MMP28: variants seen among roughly 807,000 people sequenced by gnomAD.
The protein encoded by MMP28 is matrix metalloproteinase-28.
Under a neutral mutation model 60.5 loss-of-function variants are expected in MMP28, and 55 were observed. The observed-to-expected ratio is 0.91, with a 90% CI of 0.73 to 1.14. The LOEUF is 1.14. Ranked by LOEUF, MMP28 falls within the 50% of genes most tolerant of loss-of-function variation. The pLI is 0.00. For missense variants in MMP28, 686 were observed against 738.3 expected (o/e 0.93, Z 0.82); for synonymous variants, 318 against 312.5 (o/e 1.02, Z -0.18).
intron 1 of MMP28, among the ~76,000 whole-genome samples, chr17:35,794,106 A>C (rs1036271892): frequency 6.6e-6 from 1 of 151,946 alleles, no homozygotes; most frequent in Admixed American, 6.6e-5. Context: ...TCAAAACAAA[A>C]ACAAAACAAA....
chr17:35,795,013 C>A (rs1186373366), intron 1 of MMP28, among the ~76,000 whole-genome samples: 7 of 152,242 alleles, frequency 4.6e-5, no homozygotes, highest in Non-Finnish European at 8.8e-5. Context: ...CCCCTCTGGG[C>A]TCTTGCCCGT....
chr17:35,774,805 A>G (rs1436205565), intron 3 of MMP28, among the ~76,000 whole-genome samples: 2 of 152,162 alleles, frequency 1.3e-5, no homozygotes, highest in Non-Finnish European at 2.9e-5. Context: ...GAGGGAGACA[A>G]AGAAGGCAGA....
chr17:35,787,721 T>G (rs2086692354), intron 1 of MMP28, among the ~76,000 whole-genome samples: 1 of 152,104 alleles, frequency 6.6e-6, no homozygotes, highest in African/African-American at 2.4e-5. Context: ...ACTCCTGACC[T>G]CAAGTGATCC....
intron 1 of MMP28, among the ~76,000 whole-genome samples, chr17:35,795,049 C>A (rs1260248256): frequency 1.3e-5 from 2 of 152,260 alleles, no homozygotes; most frequent in East Asian, 3.8e-4. Flanking sequence ...TCTGCACCCA[C>A]CCCAGCCCAT....
At chr17:35,762,696 C>G (rs2085844200), downstream of MMP28, among the ~76,000 whole-genome samples, 1 of 152,144 alleles carries the variant, frequency 6.6e-6, no homozygotes, top group Non-Finnish European at 1.5e-5. Flanking sequence ...CTTTTCTAAT[C>G]ATACAGAGGT....
chr17:35,775,475 G>C (rs1555607380), intron 3 of MMP28, among the ~76,000 whole-genome samples: 1 of 152,228 alleles, frequency 6.6e-6, no homozygotes, highest in African/African-American at 2.4e-5. Flanking sequence ...AAAAAGTATG[G>C]GAAGGGGGAG....
At chr17:35,787,738 C>G (rs1555610815) in intron 1 of MMP28, among the ~76,000 whole-genome samples, 1 of 152,140 alleles carries the variant, frequency 6.6e-6, no homozygotes, top group Non-Finnish European at 1.5e-5. Context: ...ATCCACCTAA[C>G]TTGGCCTCCC....
Position 35,770,209 on chromosome 17 carries a change from C to A in MMP28, c.708G>T (p.Val236=), listed in dbSNP as rs917516124. 1.2e-6 allele frequency: 2 copies of A among 1,602,908 alleles called. No individual in the cohort carries two copies. Among genetic ancestry groups the A allele is most frequent in the African/African-American group, 1.3e-5 (1 of 74,960 alleles). ...LSRRRGRNLF[V]VLAHEIGHTL... Reference sequence around the variant, plus strand: ...TGTGACCGATCTCGTGCGCCAGCACCACGAACAGGTTGCGCCCGCGGCGGC... The same window carrying A: ...TGTGACCGATCTCGTGCGCCAGCACAACGAACAGGTTGCGCCCGCGGCGGC... Residue 236 remains valine, a synonymous_variant, in exon 5 of 8, where the codon GTG becomes GTT. Coordinates refer to ENST00000605424, the MANE Select transcript of MMP28 (RefSeq NM_024302.5).
intron 4 of MMP28, 131 bp from the exon 5 acceptor site, chr17:35,770,443 A>T: frequency 8.2e-7 from 1 of 1,224,512 alleles, no homozygotes; most frequent in Non-Finnish European, 1.1e-6. Flanking sequence ...AAAATCTGGC[A>T]GAACCTGAAG....
At chr17:35,769,814 T>C (rs1036482885) in intron 5 of MMP28, among the ~76,000 whole-genome samples, 3 of 147,052 alleles carry the variant, frequency 2.0e-5, no homozygotes, top group Admixed American at 1.4e-4. Flanking sequence ...AGGGGCGGGG[T>C]TGGGGGTACT....
At position 35,795,306 on chromosome 17, in the gene MMP28, G is replaced by T. The variant is rs552611168; in HGVS notation, c.72C>A (p.Pro24=). The change falls in exon 1 of 8, where the codon CCC becomes CCA. Residue 24 remains proline, a synonymous_variant. Coordinates refer to ENST00000605424, the MANE Select transcript of MMP28 (RefSeq NM_024302.5). ...GCAGCTCCTGGCCTCCGCGCTCCGCGGGCTGGGCGTCCAGGTGGCCCCACA... is the reference window on the plus strand; with the variant it reads ...GCAGCTCCTGGCCTCCGCGCTCCGCTGGCTGGGCGTCCAGGTGGCCCCACA... ...LLLWGHLDAQ[P]AERGGQELRK... 4 of 1,464,930 alleles carry T rather than the reference G, an allele frequency of 2.7e-6. No individual in the cohort carries two copies. The highest frequency in any genetic ancestry group is 6.0e-5 in the East Asian group (2 of 33,536). 90.7% of individuals were successfully genotyped at this position (1,464,930 alleles called of 1,614,324 possible). A position where few individuals can be genotyped will look rare whatever the true frequency, so the allele number is the denominator to read the frequency against.
intron 1 of MMP28, among the ~76,000 whole-genome samples, chr17:35,786,303 C>T (rs2086646998): frequency 6.6e-6 from 1 of 152,040 alleles, no homozygotes; most frequent in Non-Finnish European, 1.5e-5. Context: ...GGTGATCTGC[C>T]CACCTTGGCC....
chr17:35,759,504 A>C (rs367708795), intron 2 of MMP28, among the ~76,000 whole-genome samples: 20 of 152,218 alleles, frequency 1.3e-4, no homozygotes, highest in Non-Finnish European at 2.8e-4. Context: ...GATCGAGACC[A>C]TCCTGGCTAA....
exon 3 of MMP28, chr17:35,756,315 G>T: frequency 1.3e-6 from 1 of 786,126 alleles, no homozygotes; most frequent in Non-Finnish European, 1.5e-6. Context: ...AAGTGGCTCT[G>T]CTCCATGAAG....
chr17:35,792,027 G>A (rs138099063), intron 1 of MMP28, among the ~76,000 whole-genome samples: 4 of 152,130 alleles, frequency 2.6e-5, no homozygotes, highest in East Asian at 3.9e-4. Context: ...CTAGTTCCCC[G>A]CACTGCAGTC....
At chr17:35,790,224 T>C (rs905061997) in intron 1 of MMP28, among the ~76,000 whole-genome samples, 20 of 151,948 alleles carry the variant, frequency 1.3e-4, no homozygotes, top group African/African-American at 4.4e-4. Flanking sequence ...CCACTACACC[T>C]GGCTAATTTT....
Position 35,760,798 on chromosome 17 carries a change from G to A in MMP28, c.266-4379C>T, listed in dbSNP as rs150652601. ...TGGAAAAGGAAATTATTCCTGGGCAGAGCCTTATGGGCAGGTGAGGTTCTA... is the reference window on the plus strand; with the variant it reads ...TGGAAAAGGAAATTATTCCTGGGCAAAGCCTTATGGGCAGGTGAGGTTCTA... On this transcript the variant is annotated intron_variant, in intron 2 of 2. Coordinates refer to the MMP28 transcript ENST00000615317. The A allele has an allele frequency of 5.2e-4, 471 of 913,940 alleles. 2 individuals are homozygous for A. In the African/African-American group the frequency reaches 6.7e-3, roughly 13 times the overall value. The allele number at this position is 913,940 out of a possible 1,614,324, so 56.6% of individuals were successfully genotyped here.
intron 1 of MMP28, among the ~76,000 whole-genome samples, chr17:35,779,812 C>G (rs898600822): frequency 6.6e-6 from 1 of 152,160 alleles, no homozygotes; most frequent in Non-Finnish European, 1.5e-5. Flanking sequence ...GTTTATAAAG[C>G]ACTTAGCACA....
At chr17:35,788,037 C>T (rs2086705183) in intron 1 of MMP28, among the ~76,000 whole-genome samples, 1 of 151,472 alleles carries the variant, frequency 6.6e-6, no homozygotes, top group South Asian at 2.1e-4. Context: ...TCCTGAGTAG[C>T]TCGGACTACA....
Sources: gnomAD v4.1 joint callset for allele counts (sites outside exome capture counted in the v4.1 genomes callset) on GRCh38, gnomAD v4.1.1 for gene constraint, MANE v1.5 for transcripts, NCBI Gene and HGNC (gene_info 2026-07-23, HGNC 2026-07-21) for gene names.